PCDH9: variants seen among roughly 807,000 people sequenced by gnomAD.
PCDH9 encodes the protein protocadherin 9, also known as protocadherin-9.
A neutral mutation model predicts 70.6 loss-of-function variants in PCDH9; 24 were observed. The observed-to-expected ratio is 0.34, with a 90% CI of 0.25 to 0.48. The LOEUF (loss-of-function observed/expected upper bound fraction) is 0.48. PCDH9 is among the 20% of genes least tolerant of loss of function. The pLI, the probability that PCDH9 is intolerant of heterozygous loss-of-function variation, is 0.99. For synonymous variants in PCDH9, 562 were observed against 558.5 expected, an observed-to-expected ratio of 1.01 and a Z score of -0.09; for missense variants, 1,281 against 1,503.6, an observed-to-expected ratio of 0.85 and a Z score of 2.45.
chr13:66,618,362 A>G (rs1566459223), intron 4 of PCDH9, among the ~76,000 whole-genome samples: 1 of 152,210 alleles, frequency 6.6e-6, no homozygotes. Context: ...TAATATGCGT[A>G]ATTCTCAATC....
At chr13:66,560,275 C>A (rs1190871524) in intron 4 of PCDH9, among the ~76,000 whole-genome samples, 1 of 152,212 alleles carries the variant, frequency 6.6e-6, no homozygotes, top group Middle Eastern at 3.4e-3. Context: ...CTCAGACACA[C>A]CTCCAGCTTT....
At chr13:66,920,434 TGTCCCTAAACAA>T (rs1349279210) in intron 2 of PCDH9, among the ~76,000 whole-genome samples, 3 of 151,178 alleles carry the variant, frequency 2.0e-5, no homozygotes, top group Non-Finnish European at 4.5e-5. Flanking sequence ...GTATTTTGCA[TGTCCCTAAACAA>T]GTCTTGAATG....
At chr13:67,076,372 C>T (rs1219564307) in intron 2 of PCDH9, among the ~76,000 whole-genome samples, 1 of 152,118 alleles carries the variant, frequency 6.6e-6, no homozygotes, top group Non-Finnish European at 1.5e-5. Context: ...TAACTATAAA[C>T]ATGCGTAATT....
chr13:66,733,844 T>A (rs891222536), intron 3 of PCDH9, among the ~76,000 whole-genome samples: 59 of 152,308 alleles, frequency 3.9e-4, no homozygotes, highest in African/African-American at 1.4e-3. Flanking sequence ...GTCACTTTAC[T>A]GAGTTCTTAT....
rs1957802533 is a variant in PCDH9, at chr13:66,433,091, A to G, written c.3341-128063T>C. ...CTTATTAATCTGTGAAATGAAAGGG[A>G]TGCTTAAGCAGGTAATTGTCATTTG... On this transcript the variant is annotated intron_variant, in intron 4 of 4. Coordinates refer to ENST00000377865, the MANE Select transcript of PCDH9 (RefSeq NM_203487.3). 2.6e-5 allele frequency among the ~76,000 whole-genome samples: 4 copies of G among 151,978 alleles called. No homozygotes were observed. The South Asian group carries it at 8.3e-4, about 31-fold the overall frequency.
intron 3 of PCDH9, among the ~76,000 whole-genome samples, chr13:66,679,497 T>C (rs898356457): frequency 1.3e-5 from 2 of 151,936 alleles, no homozygotes; most frequent in African/African-American, 2.4e-5. Flanking sequence ...AAGATTACAC[T>C]ATCTTTTCAA....
chr13:67,044,505 A>C (rs2085185436), intron 2 of PCDH9, among the ~76,000 whole-genome samples: 1 of 152,196 alleles, frequency 6.6e-6, no homozygotes, highest in South Asian at 2.1e-4. Flanking sequence ...ACACACGTAC[A>C]AAGTGCAATA....
Position 67,208,353 on chromosome 13 carries a change from C to T in PCDH9, c.3036+17052G>A, listed in dbSNP as rs573591101. On this transcript the variant is annotated intron_variant, in intron 2 of 4. Transcript: ENST00000377865. The stretch of plus-strand genomic sequence containing the variant: ...ATTGGTGGGCTTTATTTTTAGTAGC[C>T]TCCAAATGACCATATATTTGTTGGA... 5 of 152,148 alleles carry T rather than the reference C, an allele frequency of 3.3e-5. No individual in the cohort carries two copies. In the South Asian group the frequency reaches 1.0e-3, roughly 32 times the overall value. The allele number at this position is 152,148 out of a possible 1,614,324, so 9.4% of individuals were successfully genotyped here.
At chr13:66,364,344 C>T (rs1262999904) in intron 4 of PCDH9, among the ~76,000 whole-genome samples, 1 of 152,052 alleles carries the variant, frequency 6.6e-6, no homozygotes, top group Non-Finnish European at 1.5e-5. Context: ...GAGGAAGAAA[C>T]CCTACATTTT....
At chr13:67,010,285 C>T (rs2084428747) in intron 2 of PCDH9, among the ~76,000 whole-genome samples, 2 of 151,928 alleles carry the variant, frequency 1.3e-5, no homozygotes, top group South Asian at 4.1e-4. Flanking sequence ...ATTCAAACCC[C>T]CAACTACAGG....
intron 2 of PCDH9, among the ~76,000 whole-genome samples, chr13:67,172,676 G>A (rs575205349): frequency 2.0e-5 from 3 of 151,986 alleles, no homozygotes; most frequent in Admixed American, 6.5e-5. Flanking sequence ...TCCGGAGTTC[G>A]ACACCAGCCT....
chr13:67,168,544 T>C (rs1368902682), intron 2 of PCDH9, among the ~76,000 whole-genome samples: 1 of 150,760 alleles, frequency 6.6e-6, no homozygotes, highest in African/African-American at 2.4e-5. Flanking sequence ...CTGGGCAACA[T>C]AGTGAGACCC....
At chr13:66,581,540 C>T (rs1393640708) in intron 4 of PCDH9, among the ~76,000 whole-genome samples, 3 of 152,118 alleles carry the variant, frequency 2.0e-5, no homozygotes, top group South Asian at 4.2e-4. Flanking sequence ...CAAGAACAAA[C>T]TTACATTGGA....
chr13:66,595,892 C>G (rs535631618), intron 4 of PCDH9, among the ~76,000 whole-genome samples: 2 of 151,692 alleles, frequency 1.3e-5, no homozygotes, highest in East Asian at 3.9e-4. Flanking sequence ...AAGAGAAAGA[C>G]TATGACCTTT....
intron 2 of PCDH9, among the ~76,000 whole-genome samples, chr13:67,185,100 G>A (rs934806188): frequency 6.6e-6 from 1 of 152,132 alleles, no homozygotes; most frequent in Non-Finnish European, 1.5e-5. Flanking sequence ...ATCTACTAGA[G>A]AGCCTGGCAA....
intron 4 of PCDH9, among the ~76,000 whole-genome samples, chr13:66,543,656 A>G (rs1462183072): frequency 6.6e-6 from 1 of 152,174 alleles, no homozygotes; most frequent in African/African-American, 2.4e-5. Context: ...CACCACTGTA[A>G]GAAAGTTAAA....
intron 3 of PCDH9, among the ~76,000 whole-genome samples, chr13:66,709,377 G>T (rs2078761586): frequency 6.6e-6 from 1 of 152,084 alleles, no homozygotes; most frequent in South Asian, 2.1e-4. Flanking sequence ...ATTATTAAGG[G>T]TTTCTGAATT....
At chr13:66,656,154 G>T (rs1188654474) in intron 3 of PCDH9, among the ~76,000 whole-genome samples, 2 of 149,490 alleles carry the variant, frequency 1.3e-5, no homozygotes, top group Non-Finnish European at 3.0e-5. Flanking sequence ...CAAAATCAAA[G>T]CAAACTTCTT....
chr13:66,350,081 T>G (rs1956270044), intron 4 of PCDH9, among the ~76,000 whole-genome samples: 1 of 152,118 alleles, frequency 6.6e-6, no homozygotes, highest in African/African-American at 2.4e-5. Context: ...ACACAATCTC[T>G]ATTCACAGGA....
Sources: allele counts gnomAD v4.1 joint callset (sites outside exome capture counted in the v4.1 genomes callset), GRCh38; gene constraint gnomAD v4.1.1; transcripts MANE v1.5; gene names NCBI Gene and HGNC (gene_info 2026-07-23, HGNC 2026-07-21).